The following PCLO variants were observed in gnomAD, a reference collection of about 807,000 sequenced individuals.
PCLO encodes piccolo presynaptic cytomatrix protein, also known as protein piccolo.
Under a neutral mutation model 427.5 loss-of-function variants are expected in PCLO, and 82 were observed. The observed-to-expected ratio is 0.19, with a 90% CI of 0.16 to 0.23. PCLO has a LOEUF of 0.23. PCLO is among the 10% of genes least tolerant of loss of function. PCLO has a pLI of 1.00. For synonymous variants in PCLO, 2,357 were observed against 2,155.4 expected, an observed-to-expected ratio of 1.09 and a Z score of -2.59; for missense variants, 6,239 against 6,115.9, an observed-to-expected ratio of 1.02 and a Z score of -0.67.
At chr7:82,776,710 G>A (rs970174428) in intron 22 of PCLO, among the ~76,000 whole-genome samples, 8 of 152,028 alleles carry the variant, frequency 5.3e-5, no homozygotes, top group Admixed American at 2.0e-4. Context: ...CGGGAGAATC[G>A]CTTGAACCCA....
intron 3 of PCLO, among the ~76,000 whole-genome samples, chr7:83,028,175 T>C (rs909568682): frequency 2.6e-5 from 4 of 152,174 alleles, no homozygotes; most frequent in African/African-American, 9.7e-5. Context: ...TTGTCCCTCT[T>C]TGCAGATGAC....
intron 9 of PCLO, among the ~76,000 whole-genome samples, chr7:82,899,054 T>A (rs1793974116): frequency 6.6e-6 from 1 of 151,436 alleles, no homozygotes; most frequent in African/African-American, 2.4e-5. Flanking sequence ...CTCTAGCTAA[T>A]TAACATAAGC....
At chr7:83,098,415 G>C (rs995243859) in intron 3 of PCLO, among the ~76,000 whole-genome samples, 2 of 152,094 alleles carry the variant, frequency 1.3e-5, no homozygotes, top group Non-Finnish European at 2.9e-5. Context: ...ATAAAGACTT[G>C]CGATAGACAC....
At chr7:82,999,354 ATAC>A (rs1480411069) in intron 3 of PCLO, among the ~76,000 whole-genome samples, 7 of 135,006 alleles carry the variant, frequency 5.2e-5, no homozygotes, top group Non-Finnish European at 9.2e-5. Context: ...TTTAATATAT[ATAC>A]TTTTTCCATT....
intron 3 of PCLO, among the ~76,000 whole-genome samples, chr7:83,018,600 A>G (rs1442236468): frequency 6.6e-6 from 1 of 152,034 alleles, no homozygotes; most frequent in African/African-American, 2.4e-5. Flanking sequence ...TAAAATCATT[A>G]TAAACTCCAT....
chr7:82,853,605 A>C (rs886400014), intron 10 of PCLO, among the ~76,000 whole-genome samples: 2 of 152,210 alleles, frequency 1.3e-5, no homozygotes, highest in Non-Finnish European at 2.9e-5. Context: ...ATTAAAAATT[A>C]AAATTTGCCT....
intron 22 of PCLO, among the ~76,000 whole-genome samples, chr7:82,784,348 G>A (rs1486329100): frequency 1.3e-5 from 2 of 152,116 alleles, no homozygotes; most frequent in African/African-American, 2.4e-5. Flanking sequence ...AGCCGGGAAC[G>A]TTATTTGTAG....
rs4141336 is a variant in PCLO at position 82,758,177 on chromosome 7, C to T, written c.*398G>A. The T allele has an allele frequency of 0.42, 64,275 of 154,174 alleles. 13,860 individuals are homozygous for T. Among genetic ancestry groups the T allele is most frequent in the East Asian group, 0.58 (3,021 of 5,208 alleles). 9.6% of individuals were successfully genotyped at this position (154,174 alleles called of 1,614,324 possible). A position where few individuals can be genotyped will look rare whatever the true frequency, so the allele number is the denominator to read the frequency against. Reference sequence around the variant, plus strand: ...GAAAACTGAGATTTGTTACATCAGTCCTTTCCTTTCAACCAAGGCTCCTTT... The same window carrying T: ...GAAAACTGAGATTTGTTACATCAGTTCTTTCCTTTCAACCAAGGCTCCTTT... On this transcript the variant is annotated 3_prime_UTR_variant, in exon 25 of 25. Coordinates refer to ENST00000333891, the MANE Select transcript of PCLO (RefSeq NM_033026.6).
At chr7:82,829,711 C>A (rs1792044429) in intron 16 of PCLO, among the ~76,000 whole-genome samples, 4 of 151,586 alleles carry the variant, frequency 2.6e-5, no homozygotes, top group African/African-American at 7.3e-5. Flanking sequence ...GTTTATATAC[C>A]CAAACATCCA....
chr7:82,926,353 A>T (rs2107828), intron 6 of PCLO, among the ~76,000 whole-genome samples: 90,848 of 151,928 alleles, frequency 0.6, 28,176 homozygotes, highest in East Asian at 0.81. Context: ...ATGAAACAAT[A>T]TACCATTTGT....
At chr7:82,931,600 C>T (rs1269137972) in intron 6 of PCLO, among the ~76,000 whole-genome samples, 1 of 152,052 alleles carries the variant, frequency 6.6e-6, no homozygotes, top group African/African-American at 2.4e-5. Context: ...GCCTGTTGGA[C>T]TGGGGGCTTC....
In PCLO at chr7:82,985,176, T is replaced by C. The variant is rs544351215; in HGVS notation, c.3301-18689A>G. Among the ~76,000 whole-genome samples, 12 of 152,104 alleles carry C rather than the reference T, an allele frequency of 7.9e-5. No individual in the cohort carries two copies. The South Asian group carries it at 2.3e-3, about 29-fold the overall frequency. ...ATGTCCTCAATAAAGGCTGATGGTA[T>C]AGTGCCAAAGCTCAATCCATGAAAA... On this transcript the variant is annotated intron_variant, in intron 3 of 24. Transcript: ENST00000333891.
At chr7:82,891,947 T>C (rs879744234) in intron 9 of PCLO, among the ~76,000 whole-genome samples, 5 of 151,968 alleles carry the variant, frequency 3.3e-5, no homozygotes, top group Non-Finnish European at 7.4e-5. Context: ...GAACATTCCA[T>C]GATTCCATGC....
At chr7:83,034,506 A>C (rs1179247013) in intron 3 of PCLO, among the ~76,000 whole-genome samples, 2 of 152,222 alleles carry the variant, frequency 1.3e-5, no homozygotes, top group Non-Finnish European at 2.9e-5. Context: ...TTTTCTATAA[A>C]ATACTTTTGC....
At chr7:82,886,560 A>C (rs17156813) in intron 9 of PCLO, among the ~76,000 whole-genome samples, 10,095 of 152,196 alleles carry the variant, frequency 0.066, 1,120 homozygotes, top group African/African-American at 0.23. Flanking sequence ...ATATAAATGA[A>C]ATCCAGATGC....
Position 82,826,582 on chromosome 7 carries a change from G to A in PCLO, c.14415+7C>T. The A allele has an allele frequency of 6.3e-7, 1 of 1,582,750 alleles. No individual in the cohort carries two copies. The highest frequency in any genetic ancestry group is 8.7e-7 in the Non-Finnish European group (1 of 1,155,926). ...AGCAAATAAGGGAAAGGAAGTCAGA[G>A]GCTTACCTCCCCAAGGAAGTCGTTG... On this transcript the variant is annotated splice_region_variant and intron_variant, in intron 18 of 24. Coordinates refer to ENST00000333891, the MANE Select transcript of PCLO (RefSeq NM_033026.6).
chr7:82,870,422 A>G (rs1371716331), intron 10 of PCLO, among the ~76,000 whole-genome samples: 1 of 151,998 alleles, frequency 6.6e-6, no homozygotes, highest in Non-Finnish European at 1.5e-5. Flanking sequence ...TATCTCTTAC[A>G]TATCAAAATA....
At chr7:83,108,065 T>C (rs575337595) in intron 3 of PCLO, among the ~76,000 whole-genome samples, 1 of 149,428 alleles carries the variant, frequency 6.7e-6, no homozygotes, top group Non-Finnish European at 1.5e-5. Flanking sequence ...AGTTTTTAAA[T>C]ATTCTTTGGC....
intron 3 of PCLO, among the ~76,000 whole-genome samples, chr7:83,086,092 C>T (rs775886463): frequency 6.7e-6 from 1 of 149,298 alleles, no homozygotes; most frequent in Non-Finnish European, 1.5e-5. Context: ...TGAACACTGA[C>T]AATTTCTTTC....
Sources: allele counts gnomAD v4.1 joint callset (sites outside exome capture counted in the v4.1 genomes callset), GRCh38; gene constraint gnomAD v4.1.1; transcripts MANE v1.5; gene names NCBI Gene and HGNC (gene_info 2026-07-23, HGNC 2026-07-21).